Variants in GPR149 observed in about 807,000 individuals in gnomAD.
GPR149 encodes probable G protein-coupled receptor 149.
GPR149 carries 50 observed loss-of-function variants against 50.2 expected under a neutral mutation model. The ratio of observed to expected loss-of-function variants is 1.00; its 90% CI spans 0.79 to 1.26. The LOEUF is 1.26. Among genes scored for constraint, GPR149 ranks in the 50% most tolerant of loss-of-function variants. The probability of loss-of-function intolerance (pLI) is 0.00; values close to 1 mark genes in which losing one functional copy is unlikely to be tolerated. For missense variants in GPR149, 983 were observed against 895.4 expected (o/e 1.10, Z -1.25); for synonymous variants, 405 against 358.2 (o/e 1.13, Z -1.48).
chr3:154,362,149 C>T lies in GPR149; in HGVS notation c.1624-23878G>A, dbSNP rs533934844. On this transcript the variant is annotated intron_variant, in intron 3 of 3. Transcript: ENST00000389740. ...CTAAAAATACAAAAAATTAGCCGGG[C>T]GTGGTGGCGGGCATCTGTAGTCCCA... 4.6e-5 allele frequency among the ~76,000 whole-genome samples: 7 copies of T among 151,920 alleles called. No individual in the cohort carries two copies. The South Asian group carries it at 8.4e-4, about 18-fold the overall frequency.
chr3:154,370,294 T>C (rs1249907314), intron 3 of GPR149, among the ~76,000 whole-genome samples: 2 of 152,014 alleles, frequency 1.3e-5, no homozygotes, highest in Non-Finnish European at 2.9e-5. Flanking sequence ...TGGTATTCTA[T>C]AACAGGGACC....
chr3:154,341,341 A>ATATATATATATATATATATAT (rs1713796570), intron 3 of GPR149, among the ~76,000 whole-genome samples: 2 of 121,440 alleles, frequency 1.6e-5, no homozygotes, highest in African/African-American at 3.0e-5. Context: ...ATATATATAT[A>ATATATATATATATATATATAT]AAATGAGTAG....
intron 3 of GPR149, among the ~76,000 whole-genome samples, chr3:154,398,500 G>C (rs1350450644): frequency 6.6e-6 from 1 of 152,028 alleles, no homozygotes; most frequent in Non-Finnish European, 1.5e-5. Context: ...CATTCAGAAT[G>C]GTTATTTCTA....
chr3:154,390,267 G>T (rs1316598947), intron 3 of GPR149, among the ~76,000 whole-genome samples: 4 of 152,078 alleles, frequency 2.6e-5, no homozygotes, highest in East Asian at 1.9e-4. Context: ...ATGAAACAGA[G>T]ATATGATTTA....
chr3:154,420,226 GA>G (rs11328414), intron 3 of GPR149, among the ~76,000 whole-genome samples: 72,252 of 151,408 alleles, frequency 0.48, 17,573 homozygotes, highest in African/African-American at 0.59. Flanking sequence ...AACTCATGTA[GA>G]AAAAAAGACT....
At chr3:154,402,501 T>TTTCTAGAAAGTTTCAAAGA (rs1711571668) in intron 3 of GPR149, among the ~76,000 whole-genome samples, 1 of 52,384 alleles carries the variant, frequency 1.9e-5, no homozygotes, top group East Asian at 1.0e-3. Context: ...TTTACATCAA[T>TTTCTAGAAAGTTTCAAAGA]TCCTAGAAAG....
At chr3:154,417,606 T>A (rs981184861) in intron 3 of GPR149, among the ~76,000 whole-genome samples, 13 of 152,064 alleles carry the variant, frequency 8.5e-5, no homozygotes, top group African/African-American at 2.9e-4. Flanking sequence ...CCTAAGTGTT[T>A]GAAAGTACAA....
At chr3:154,405,934 A>C (rs1399843) in intron 3 of GPR149, among the ~76,000 whole-genome samples, 12,997 of 151,958 alleles carry the variant, frequency 0.086, 693 homozygotes, top group East Asian at 0.22. Flanking sequence ...TATTATAAAC[A>C]AAAAATTGTG....
chr3:154,401,960 A>T, intron 3 of GPR149, among the ~76,000 whole-genome samples: 1 of 150,058 alleles, frequency 6.7e-6, no homozygotes, highest in East Asian at 2.1e-4. Context: ...CACTTCTTGC[A>T]GCTAATGCCA....
At chr3:154,421,561 A>C in intron 2 of GPR149, 74 bp from the exon 3 acceptor site, 5 of 690,268 alleles carry the variant, frequency 7.2e-6, no homozygotes, top group Non-Finnish European at 1.1e-5. Context: ...TATAGCAAAT[A>C]AAAATAGAAA....
At chr3:154,393,052 G>A (rs1436776377) in intron 3 of GPR149, among the ~76,000 whole-genome samples, 2 of 151,968 alleles carry the variant, frequency 1.3e-5, no homozygotes, top group Non-Finnish European at 2.9e-5. Context: ...AAAGAATTGA[G>A]GAAGATGGAA....
intron 3 of GPR149, among the ~76,000 whole-genome samples, chr3:154,362,417 T>A (rs543897155): frequency 2.6e-4 from 39 of 152,292 alleles, no homozygotes; most frequent in Admixed American, 4.6e-4. Flanking sequence ...TTCTCCTGTT[T>A]CCCAAGTTTT....
chr3:154,405,216 A>G (rs954563494), intron 3 of GPR149, among the ~76,000 whole-genome samples: 5 of 152,218 alleles, frequency 3.3e-5, no homozygotes, highest in Non-Finnish European at 7.3e-5. Context: ...GGCATAAATC[A>G]ATACCTTTAA....
intron 3 of GPR149, among the ~76,000 whole-genome samples, chr3:154,401,053 G>C (rs1711543015): frequency 1.3e-5 from 2 of 152,212 alleles, no homozygotes; most frequent in African/African-American, 4.8e-5. Flanking sequence ...TGATTCATGA[G>C]AGAAGAAAGC....
intron 3 of GPR149, among the ~76,000 whole-genome samples, chr3:154,391,562 A>G (rs1470656160): frequency 1.3e-5 from 2 of 151,626 alleles, no homozygotes; most frequent in Non-Finnish European, 3.0e-5. Flanking sequence ...GTAGTAAAAA[A>G]ACATGGCTAT....
chr3:154,393,980 A>G (rs60487161), intron 3 of GPR149, among the ~76,000 whole-genome samples: 5,074 of 152,118 alleles, frequency 0.033, 252 homozygotes, highest in African/African-American at 0.12. Flanking sequence ...TAAAATGTCT[A>G]TATTACTCAA....
At chr3:154,357,103 T>C (rs538906176) in intron 3 of GPR149, among the ~76,000 whole-genome samples, 14 of 152,274 alleles carry the variant, frequency 9.2e-5, no homozygotes, top group African/African-American at 3.4e-4. Flanking sequence ...ATTTAATAAA[T>C]AGTGCTGGGA....
At chr3:154,342,840 T>C (rs701142) in intron 3 of GPR149, among the ~76,000 whole-genome samples, 95,795 of 152,060 alleles carry the variant, frequency 0.63, 30,634 homozygotes, top group East Asian at 0.89. Context: ...TATATTTTGA[T>C]TGTGTATTTG....
Position 154,371,800 on chromosome 3 carries a change from C to T in GPR149, c.1624-33529G>A, listed in dbSNP as rs182370481. On this transcript the variant is annotated intron_variant, in intron 3 of 3. Transcript: ENST00000389740. ...ACTCAGGGCGCTTGAATATGTTTAA[C>T]CAATGGATACCTCGGCTCCTCCCCT... is the stretch of plus-strand genomic sequence containing the variant. Among the ~76,000 whole-genome samples the T allele has an allele frequency of 2.0e-5, 3 of 152,312 alleles. No homozygotes were observed. In the East Asian group the frequency reaches 5.8e-4, roughly 29 times the overall value.
Sources: gnomAD v4.1 joint callset for allele counts (sites outside exome capture counted in the v4.1 genomes callset) on GRCh38, gnomAD v4.1.1 for gene constraint, MANE v1.5 for transcripts, NCBI Gene and HGNC (gene_info 2026-07-23, HGNC 2026-07-21) for gene names.